The following GMFB variants were observed in gnomAD, a reference collection of about 807,000 sequenced individuals.
GMFB encodes glia maturation factor beta.
A neutral mutation model predicts 25.6 loss-of-function variants in GMFB; 13 were observed. The observed-to-expected ratio is 0.51, with a 90% CI of 0.33 to 0.81. The LOEUF is 0.81. Ranked by LOEUF, GMFB falls within the 30% of genes least tolerant of loss-of-function variation. The pLI is 0.02. For missense variants in GMFB, 146 were observed against 175.4 expected, an observed-to-expected ratio of 0.83 and a Z score of 0.95; for synonymous variants, 57 against 56.9, an observed-to-expected ratio of 1.00 and a Z score of 0.00.
intron 5 of GMFB, 154 bp downstream of exon 5, chr14:54,480,720 G>A (rs1392346868): frequency 3.7e-6 from 2 of 533,416 alleles, no homozygotes; most frequent in Non-Finnish European, 6.7e-6. Flanking sequence ...AGGGATGCAT[G>A]CACACAGGCA....
At chr14:54,483,848 A>T in intron 1 of GMFB, 81 bp from the exon 2 acceptor site, 1 of 783,474 alleles carries the variant, frequency 1.3e-6, no homozygotes, top group African/African-American at 1.7e-5. Flanking sequence ...TAATACCTTT[A>T]TAATGCATAC....
Position 54,488,934 on chromosome 14 carries a change from T to C in GMFB, c.-7A>G. On this transcript the variant is annotated 5_prime_UTR_variant, in exon 1 of 7. Coordinates refer to ENST00000358056, the MANE Select transcript of GMFB (RefSeq NM_004124.3). ...CCCAGCGGCAACTCACCATTTTCCT[T>C]CCGGCCGTCAGCGGCCTGTCGCCTA... 6.4e-7 allele frequency: 1 copy of C among 1,561,348 alleles called. No homozygotes were observed. The highest frequency in any genetic ancestry group is 1.2e-5 in the South Asian group (1 of 85,634).
At chr14:54,480,765 T>G in intron 5 of GMFB, 109 bp downstream of exon 5, 2 of 654,716 alleles carry the variant, frequency 3.1e-6, no homozygotes, top group Non-Finnish European at 2.8e-6. Context: ...CTCCTCAATT[T>G]AGGTTATTCA....
At chr14:54,487,670 G>A (rs1594636172) in intron 1 of GMFB, among the ~76,000 whole-genome samples, 1 of 152,300 alleles carries the variant, frequency 6.6e-6, no homozygotes, top group South Asian at 2.1e-4. Context: ...CCGAGATCCC[G>A]CCATTGCACT....
In GMFB at chr14:54,483,776, GA is replaced by G. The variant is rs369145672; in HGVS notation, c.4-10del. 52 of 1,490,852 alleles carry G rather than the reference GA, an allele frequency of 3.5e-5. No individual in the cohort carries two copies. Among genetic ancestry groups the G allele is most frequent in the Middle Eastern group, 1.7e-4 (1 of 5,860 alleles). 92.4% of individuals were successfully genotyped at this position (1,490,852 alleles called of 1,614,324 possible). A position where few individuals can be genotyped will look rare whatever the true frequency, so the allele number is the denominator to read the frequency against. On this transcript the variant is annotated splice_polypyrimidine_tract_variant and intron_variant, in intron 1 of 6. Transcript: ENST00000358056. ...ACAACCAAAGACTCACTCTATAAAAGAAAAAAAACACACATAAAATGCCATG... is the reference window on the plus strand; with the variant it reads ...ACAACCAAAGACTCACTCTATAAAAGAAAAAAACACACATAAAATGCCATG...
chr14:54,481,596 A>G, intron 3 of GMFB, 138 bp from the exon 4 acceptor site: 1 of 626,196 alleles, frequency 1.6e-6, no homozygotes, highest in South Asian at 1.9e-5. Flanking sequence ...TTACTAAATT[A>G]TACATAAACT....
At chr14:54,486,725 C>T (rs2031787484) in intron 1 of GMFB, among the ~76,000 whole-genome samples, 1 of 152,122 alleles carries the variant, frequency 6.6e-6, no homozygotes, top group Non-Finnish European at 1.5e-5. Flanking sequence ...TCTCACGAAA[C>T]AGATACTATT....
intron 1 of GMFB, among the ~76,000 whole-genome samples, chr14:54,486,877 T>C (rs2031789624): frequency 7.3e-6 from 1 of 137,742 alleles, no homozygotes; most frequent in Admixed American, 7.9e-5. Context: ...TGGTGACAGA[T>C]TGGATATTGG....
chr14:54,484,381 C>G (rs2031756335), intron 1 of GMFB, among the ~76,000 whole-genome samples: 1 of 151,488 alleles, frequency 6.6e-6, no homozygotes, highest in South Asian at 2.1e-4. Context: ...CGATTGATAC[C>G]ACAGAAATAC....
Position 54,480,887 on chromosome 14 carries a change from G to GA in GMFB, c.269dup (p.Ser91LeufsTer7). ...AAATTCACTTACCAACAGGACTGGA[G>GA]AAAATAAAGCACAGAGGATATGAAA... On this transcript the variant is annotated frameshift_variant, in exon 5 of 7. Transcript: ENST00000358056. LOFTEE classifies it high-confidence loss of function. 6.7e-7 allele frequency: 1 copy of GA among 1,499,944 alleles called. No individual in the cohort carries two copies. Among genetic ancestry groups the GA allele is most frequent in the Non-Finnish European group, 9.2e-7 (1 of 1,085,062 alleles). 92.9% of individuals were successfully genotyped at this position (1,499,944 alleles called of 1,614,324 possible).
chr14:54,488,538 G>T, intron 1 of GMFB: 1 of 214,750 alleles, frequency 4.7e-6, no homozygotes. Flanking sequence ...ACCTGGCCAC[G>T]GCCCTGGCAG....
chr14:54,482,346 T>C (rs2031724280), intron 2 of GMFB, 144 bp from the exon 3 acceptor site: 1 of 572,348 alleles, frequency 1.7e-6, no homozygotes, highest in African/African-American at 1.9e-5. Flanking sequence ...ACAGTTTTAG[T>C]TTACGGTTTA....
In GMFB at chr14:54,488,957, C is replaced by G. The variant is rs777397253; in HGVS notation, c.-30G>C. ...CTTCCGGCCGTCAGCGGCCTGTCGC[C>G]TACACTCGGGCGCCTTTAAGAATGG... On this transcript the variant is annotated 5_prime_UTR_variant, in exon 1 of 7. Transcript: ENST00000358056. 14 of 1,558,280 alleles carry G rather than the reference C, an allele frequency of 9.0e-6. No homozygotes were observed. Among genetic ancestry groups the G allele is most frequent in the Non-Finnish European group, 1.1e-5 (13 of 1,155,184 alleles).
chr14:54,487,533 C>T (rs554538266), intron 1 of GMFB, among the ~76,000 whole-genome samples: 21 of 151,792 alleles, frequency 1.4e-4, no homozygotes, highest in African/African-American at 4.4e-4. Context: ...AGCGAGACTC[C>T]ATCTCAAAAC....
intron 5 of GMFB, 84 bp downstream of exon 5, chr14:54,480,790 T>C (rs2031700679): frequency 1.4e-6 from 1 of 722,582 alleles, no homozygotes; most frequent in African/African-American, 1.8e-5. Context: ...TGTTCATCTT[T>C]AAAAACAGCA....
intron 1 of GMFB, among the ~76,000 whole-genome samples, chr14:54,487,517 C>T (rs2031803471): frequency 6.6e-6 from 1 of 151,506 alleles, no homozygotes; most frequent in African/African-American, 2.4e-5. Flanking sequence ...CCAACCAACG[C>T]GACAGAGCGA....
In GMFB at chr14:54,476,697, T is replaced by C. The variant is rs2031644977; in HGVS notation, c.*1391A>G. ...TTACTTCTCACAGAAACCTCAAAAA[T>C]AAAATGCAAAGAACATATGAATGGA... On this transcript the variant is annotated 3_prime_UTR_variant, in exon 7 of 7. Transcript: ENST00000358056. 2 of 151,926 alleles carry C rather than the reference T, an allele frequency of 1.3e-5. No homozygotes were observed. Among genetic ancestry groups the C allele is most frequent in the African/African-American group, 4.8e-5 (2 of 41,412 alleles). The allele number at this position is 151,926 out of a possible 1,614,324, so 9.4% of individuals were successfully genotyped here.
chr14:54,487,257 C>T (rs943497600), intron 1 of GMFB, among the ~76,000 whole-genome samples: 2 of 151,996 alleles, frequency 1.3e-5, no homozygotes, highest in Non-Finnish European at 2.9e-5. Context: ...TAGGGCCGGG[C>T]GCGGTGGCTC....
At position 54,479,781 on chromosome 14, in the gene GMFB, ACC is replaced by A; in HGVS notation, c.357+3_357+4del. 1 of 1,541,242 alleles carries A rather than the reference ACC, an allele frequency of 6.5e-7. No homozygotes were observed. The highest frequency in any genetic ancestry group is 9.0e-7 in the Non-Finnish European group (1 of 1,114,142). On this transcript the variant is annotated splice_donor_region_variant and intron_variant, in intron 6 of 6. Transcript: ENST00000358056. ...CTCAACAAGTCAGTCAAATATAAAT[ACC>A]ACCTTGGTTAGTTCAGCTGTCTGGA...
Sources: allele counts gnomAD v4.1 joint callset (sites outside exome capture counted in the v4.1 genomes callset), GRCh38; gene constraint gnomAD v4.1.1; transcripts MANE v1.5; gene names NCBI Gene and HGNC (gene_info 2026-07-23, HGNC 2026-07-21).